Variants in STARD8 observed in about 807,000 individuals in gnomAD.
The protein encoded by STARD8 is stAR-related lipid transfer protein 8.
Under a neutral mutation model 69.4 loss-of-function variants are expected in STARD8, and 25 were observed. That is an observed-to-expected ratio of 0.36 (90% CI 0.26 to 0.50). The LOEUF is 0.50. Among genes scored for constraint, STARD8 ranks in the 20% least tolerant of loss-of-function variants. The pLI, the probability that STARD8 is intolerant of heterozygous loss-of-function variation, is 0.96. For missense variants in STARD8, 921 were observed against 932.5 expected, an observed-to-expected ratio of 0.99 and a Z score of 0.16; for synonymous variants, 389 against 374.6, an observed-to-expected ratio of 1.04 and a Z score of -0.45.
intron 1 of STARD8, among the ~76,000 whole-genome samples, chrX:68,658,853 G>C (rs1025470704): frequency 3.6e-5 from 4 of 112,426 alleles, no homozygotes; most frequent in Non-Finnish European, 3.8e-5. Context: ...AGGGCCCTTA[G>C]AGTCCAGGTC....
intron 2 of STARD8, among the ~76,000 whole-genome samples, chrX:68,682,127 T>A (rs2147893992): frequency 9.1e-6 from 1 of 109,648 alleles, no homozygotes; most frequent in African/African-American, 3.3e-5. Flanking sequence ...GACTCCCGAG[T>A]AGCTGGGACT....
chrX:68,655,334 A>G (rs1239910795), intron 1 of STARD8, among the ~76,000 whole-genome samples: 1 of 112,117 alleles, frequency 8.9e-6, no homozygotes, highest in African/African-American at 3.3e-5. Context: ...AAAGAAATAA[A>G]TTATGACATA....
At chrX:68,658,602 C>T (rs1165328146) in intron 1 of STARD8, among the ~76,000 whole-genome samples, 2 of 112,581 alleles carry the variant, frequency 1.8e-5, no homozygotes, top group East Asian at 2.8e-4. Context: ...GGAAAAGAGC[C>T]GACACTGGAG....
intron 2 of STARD8, among the ~76,000 whole-genome samples, chrX:68,697,155 C>G (rs1274425290): frequency 8.9e-6 from 1 of 112,170 alleles, no homozygotes; most frequent in East Asian, 2.8e-4. Flanking sequence ...ATAAAAACAA[C>G]CATTATCACA....
chrX:68,659,402 G>A (rs2079630975), intron 1 of STARD8, among the ~76,000 whole-genome samples: 1 of 111,712 alleles, frequency 9.0e-6, no homozygotes, highest in Non-Finnish European at 1.9e-5. Context: ...ACACAGATGC[G>A]ACTACCCTCA....
At chrX:68,680,535 C>T (rs750824651) in intron 2 of STARD8, among the ~76,000 whole-genome samples, 6 of 112,668 alleles carry the variant, frequency 5.3e-5, no homozygotes, top group Non-Finnish European at 1.1e-4. Context: ...AACTGCAAAA[C>T]GCTCCTCTGA....
intron 4 of STARD8, 98 bp downstream of exon 4, chrX:68,715,473 C>T (rs1309671204): frequency 2.9e-6 from 2 of 701,731 alleles, no homozygotes; most frequent in African/African-American, 4.4e-5. Flanking sequence ...AGAGGAGGAG[C>T]CCAGCTTACT....
chrX:68,697,327 C>T (rs759036477), intron 2 of STARD8, among the ~76,000 whole-genome samples: 9 of 112,076 alleles, frequency 8.0e-5, no homozygotes, highest in Non-Finnish European at 1.5e-4. Context: ...GAGGCAGTGG[C>T]ATTTGAGCTG....
At chrX:68,684,133 T>C (rs779017880) in intron 2 of STARD8, among the ~76,000 whole-genome samples, 2 of 112,893 alleles carry the variant, frequency 1.8e-5, no homozygotes, top group Admixed American at 1.9e-4. Flanking sequence ...AGCACCATTG[T>C]CAGCTATGTG....
chrX:68,706,317 C>G (rs1398633517), intron 2 of STARD8, among the ~76,000 whole-genome samples: 3 of 112,038 alleles, frequency 2.7e-5, no homozygotes, highest in Non-Finnish European at 5.6e-5. Context: ...GTCTCCTTTC[C>G]TCCCTGTGCC....
At chrX:68,681,509 T>A (rs932444763) in intron 2 of STARD8, among the ~76,000 whole-genome samples, 1 of 112,883 alleles carries the variant, frequency 8.9e-6, no homozygotes, top group Admixed American at 9.4e-5. Flanking sequence ...CAAGTGCATG[T>A]GGCCAGCAAC....
At chrX:68,661,672 C>G (rs971978309) in intron 1 of STARD8, among the ~76,000 whole-genome samples, 11 of 111,762 alleles carry the variant, frequency 9.8e-5, no homozygotes, top group Middle Eastern at 4.7e-3. Flanking sequence ...CAGTTAATAG[C>G]ACCACCATCC....
intron 2 of STARD8, among the ~76,000 whole-genome samples, chrX:68,701,813 C>CT (rs747359594): frequency 3.0e-4 from 34 of 111,858 alleles, no homozygotes; most frequent in African/African-American, 1.1e-3. Context: ...AATATGCTCT[C>CT]TTGACAACCA....
At chrX:68,671,357 A>C (rs376690827) in intron 2 of STARD8, among the ~76,000 whole-genome samples, 1 of 111,943 alleles carries the variant, frequency 8.9e-6, no homozygotes, top group African/African-American at 3.3e-5. Context: ...GTCCATAGCT[A>C]TTACATTATA....
chrX:68,711,226 A>G (rs1278777416), intron 2 of STARD8, among the ~76,000 whole-genome samples: 2 of 109,732 alleles, frequency 1.8e-5, no homozygotes, highest in Non-Finnish European at 3.8e-5. Context: ...ATGCATGCAC[A>G]CACACACACA....
intron 2 of STARD8, among the ~76,000 whole-genome samples, chrX:68,692,235 G>A (rs1036932353): frequency 1.8e-5 from 2 of 111,959 alleles, no homozygotes; most frequent in African/African-American, 3.3e-5. Context: ...CAGGGACTTG[G>A]CGCACCTTGA....
At position 68,723,677 on chromosome X, in the gene STARD8, G is replaced by GC. The variant is rs761897392; in HGVS notation, c.2858dup (p.Ala954SerfsTer16). 8 of 1,198,464 alleles carry GC rather than the reference G, an allele frequency of 6.7e-6. No homozygotes were observed. Among genetic ancestry groups the GC allele is most frequent in the Non-Finnish European group, 4.5e-6 (4 of 889,219 alleles). On this transcript the variant is annotated frameshift_variant, in exon 13 of 15. Coordinates refer to ENST00000374599, the MANE Select transcript of STARD8 (RefSeq NM_001142503.3). LOFTEE classifies it high-confidence loss of function. ...ATGGAAGGCATCCACAGAGGTGGCAGCCCCCCCAGCTGTGGTGCTGCATCG... is the reference window on the plus strand; with the variant it reads ...ATGGAAGGCATCCACAGAGGTGGCAGCCCCCCCCAGCTGTGGTGCTGCATCG...
chrX:68,668,401 C>G (rs772491434), intron 2 of STARD8, among the ~76,000 whole-genome samples: 2 of 105,737 alleles, frequency 1.9e-5, no homozygotes, highest in Non-Finnish European at 3.9e-5. Context: ...TAGCTCACTG[C>G]GGCCTTAATC....
At chrX:68,662,237 G>T (rs941878912) in intron 1 of STARD8, among the ~76,000 whole-genome samples, 2 of 109,818 alleles carry the variant, frequency 1.8e-5, no homozygotes, top group African/African-American at 6.6e-5. Context: ...TCGAACTCCC[G>T]ACCTCAGGGG....
Sources: allele counts gnomAD v4.1 joint callset (sites outside exome capture counted in the v4.1 genomes callset), GRCh38; gene constraint gnomAD v4.1.1; transcripts MANE v1.5; gene names NCBI Gene and HGNC (gene_info 2026-07-23, HGNC 2026-07-21).